Variants in SLC25A12 observed in about 807,000 individuals in gnomAD.
The protein encoded by SLC25A12 is solute carrier family 25 member 12.
Under a neutral mutation model 83.3 loss-of-function variants are expected in SLC25A12, and 32 were observed. The observed-to-expected ratio is 0.38, with a 90% CI of 0.29 to 0.52. The LOEUF (loss-of-function observed/expected upper bound fraction) is 0.52, where lower values mean the gene tolerates loss of function less well. SLC25A12 is among the 20% of genes least tolerant of loss of function. The pLI is 0.84. For missense variants in SLC25A12, 611 were observed against 835.6 expected (o/e 0.73, Z 3.31); for synonymous variants, 267 against 291.1 (o/e 0.92, Z 0.84).
intron 3 of SLC25A12, among the ~76,000 whole-genome samples, chr2:171,866,591 AC>A (rs1312058681): frequency 1.6e-4 from 8 of 50,520 alleles, no homozygotes; most frequent in Admixed American, 5.0e-4. Context: ...CGGGGGGCTG[AC>A]CCCCCCACCT....
intron 17 of SLC25A12, among the ~76,000 whole-genome samples, chr2:171,786,097 C>T (rs1013063553): frequency 2.0e-5 from 3 of 151,726 alleles, no homozygotes; most frequent in African/African-American, 4.8e-5. Flanking sequence ...AGAGATAGGC[C>T]GGGCATGGTG....
At chr2:171,886,121 A>C (rs1685812473) in intron 2 of SLC25A12, among the ~76,000 whole-genome samples, 1 of 151,962 alleles carries the variant, frequency 6.6e-6, no homozygotes, top group Non-Finnish European at 1.5e-5. Context: ...ACATTGCAAA[A>C]TTTCTCTAAA....
intron 9 of SLC25A12, among the ~76,000 whole-genome samples, chr2:171,818,189 T>C (rs1684094710): frequency 6.6e-6 from 1 of 152,126 alleles, no homozygotes; most frequent in Non-Finnish European, 1.5e-5. Flanking sequence ...AATGACTGTG[T>C]CCTGAATTTT....
intron 9 of SLC25A12, among the ~76,000 whole-genome samples, chr2:171,816,025 T>C (rs1684043888): frequency 6.6e-6 from 1 of 151,626 alleles, no homozygotes; most frequent in African/African-American, 2.4e-5. Flanking sequence ...TTCTAAGTAA[T>C]TTTATATTTC....
intron 14 of SLC25A12, among the ~76,000 whole-genome samples, chr2:171,793,061 C>T (rs539495184): frequency 5.9e-5 from 9 of 151,520 alleles, no homozygotes; most frequent in African/African-American, 1.5e-4. Context: ...TAAGTATACC[C>T]GCAGGGAAGG....
At chr2:171,848,927 C>T (rs529052850) in intron 4 of SLC25A12, among the ~76,000 whole-genome samples, 8 of 151,980 alleles carry the variant, frequency 5.3e-5, no homozygotes, top group African/African-American at 1.2e-4. Context: ...TGGTGGCTCA[C>T]GCCTATAATC....
chr2:171,792,631 T>C (rs948500597), intron 14 of SLC25A12, among the ~76,000 whole-genome samples: 12 of 148,622 alleles, frequency 8.1e-5, no homozygotes, highest in African/African-American at 2.2e-4. Flanking sequence ...AACTCAAACA[T>C]TGAAAAAAAA....
At chr2:171,851,383 G>A (rs984106489) in intron 4 of SLC25A12, among the ~76,000 whole-genome samples, 9 of 151,306 alleles carry the variant, frequency 5.9e-5, no homozygotes, top group African/African-American at 2.2e-4. Context: ...TAGAGACAGG[G>A]TTTCACCCTG....
intron 9 of SLC25A12, among the ~76,000 whole-genome samples, chr2:171,824,405 G>C (rs1264050915): frequency 1.3e-5 from 2 of 152,182 alleles, no homozygotes; most frequent in Non-Finnish European, 2.9e-5. Context: ...GAATAGAAAA[G>C]TAAGCAGCAG....
At chr2:171,868,036 TGG>T (rs1245449258) in intron 3 of SLC25A12, among the ~76,000 whole-genome samples, 2 of 151,924 alleles carry the variant, frequency 1.3e-5, no homozygotes, top group Non-Finnish European at 2.9e-5. Flanking sequence ...TTAGTAGAGA[TGG>T]GGTTTCACCA....
chr2:171,830,944 T>C (rs1684417985), intron 8 of SLC25A12, among the ~76,000 whole-genome samples: 1 of 152,230 alleles, frequency 6.6e-6, no homozygotes, highest in South Asian at 2.1e-4. Context: ...TATATAGCTG[T>C]AGAGCAGGAA....
intron 14 of SLC25A12, among the ~76,000 whole-genome samples, chr2:171,792,762 C>T (rs901091528): frequency 2.6e-5 from 4 of 152,084 alleles, no homozygotes; most frequent in Non-Finnish European, 5.9e-5. Flanking sequence ...AAAATGTGTA[C>T]GAAACTCTCT....
Position 171,809,693 on chromosome 2 carries a change from A to T in SLC25A12, c.1225-7T>A. 6.2e-7 allele frequency: 1 copy of T among 1,610,686 alleles called. No individual in the cohort carries two copies. The highest frequency in any genetic ancestry group is 8.5e-7 in the Non-Finnish European group (1 of 1,176,874). ...CCCGAACAAAATCATTAACCTAATT[A>T]GAAAGACAACATCAGTTAACCAAAA... On this transcript the variant is annotated splice_region_variant and splice_polypyrimidine_tract_variant and intron_variant, in intron 12 of 17. Coordinates refer to ENST00000422440, the MANE Select transcript of SLC25A12 (RefSeq NM_003705.5).
At chr2:171,842,836 T>G (rs1464811394) in intron 5 of SLC25A12, among the ~76,000 whole-genome samples, 2 of 152,180 alleles carry the variant, frequency 1.3e-5, no homozygotes, top group Admixed American at 6.5e-5. Context: ...TATTTTTAAT[T>G]TTTTAGATGG....
chr2:171,791,699 C>T, intron 14 of SLC25A12, 110 bp from the exon 15 acceptor site: 1 of 1,027,296 alleles, frequency 9.7e-7, no homozygotes, highest in Non-Finnish European at 1.5e-6. Context: ...CCCTCAGTGA[C>T]AAGCCTGAGG....
At chr2:171,883,688 C>A (rs976750755) in intron 2 of SLC25A12, among the ~76,000 whole-genome samples, 3 of 152,166 alleles carry the variant, frequency 2.0e-5, no homozygotes, top group African/African-American at 2.4e-5. Context: ...GAATTCCCTC[C>A]ACCACTTCAC....
chr2:171,865,900 G>C (rs1053088374), intron 3 of SLC25A12, among the ~76,000 whole-genome samples: 3 of 150,094 alleles, frequency 2.0e-5, no homozygotes, highest in African/African-American at 7.4e-5. Flanking sequence ...AGGGGGATTT[G>C]GCAGGGTCAT....
Position 171,889,586 on chromosome 2 carries a change from T to G in SLC25A12, c.66+3619A>C, listed in dbSNP as rs117016907. On this transcript the variant is annotated intron_variant, in intron 2 of 17. Coordinates refer to ENST00000422440, the MANE Select transcript of SLC25A12 (RefSeq NM_003705.5). ...AAACCCACAGTGGCTCCCTACTGTT[T>G]CAAATCCAAATTCCTTGGCTAACTA... Among the ~76,000 whole-genome samples the G allele has an allele frequency of 5.9e-4, 90 of 152,350 alleles. No homozygotes were observed. The East Asian group carries it at 0.016, about 27-fold the overall frequency.
intron 3 of SLC25A12, 129 bp downstream of exon 3, chr2:171,868,552 G>T: frequency 1.2e-6 from 1 of 849,642 alleles, no homozygotes; most frequent in Non-Finnish European, 1.9e-6. Flanking sequence ...GACCTCAGGT[G>T]ATCCGCCCGC....
Sources: gnomAD v4.1 joint callset for allele counts (sites outside exome capture counted in the v4.1 genomes callset) on GRCh38, gnomAD v4.1.1 for gene constraint, MANE v1.5 for transcripts, NCBI Gene and HGNC (gene_info 2026-07-23, HGNC 2026-07-21) for gene names.